MC2R: variants seen among roughly 807,000 people sequenced by gnomAD.
The protein encoded by MC2R is adrenocorticotropic hormone receptor.
In MC2R, 9 loss-of-function variants were observed where a neutral mutation model predicts 9.8. The ratio of observed to expected loss-of-function variants is 0.92; its 90% CI spans 0.55 to 1.60. MC2R has a LOEUF of 1.60. Among genes scored for constraint, MC2R ranks in the 40% most tolerant of loss-of-function variants. The pLI, the probability that MC2R is intolerant of heterozygous loss-of-function variation, is 0.00. For missense variants in MC2R, 370 were observed against 389.0 expected (o/e 0.95, Z 0.41); for synonymous variants, 185 against 154.7 (o/e 1.20, Z -1.45).
intron 1 of MC2R, among the ~76,000 whole-genome samples, chr18:13,905,201 AC>A: frequency 6.6e-6 from 1 of 152,300 alleles, no homozygotes; most frequent in Middle Eastern, 3.4e-3. Context: ...GAAAAAAACA[AC>A]CCCACCAAAA....
At chr18:13,892,872 G>C (rs1555620095) in intron 1 of MC2R, among the ~76,000 whole-genome samples, 2 of 151,014 alleles carry the variant, frequency 1.3e-5, no homozygotes, top group Non-Finnish European at 2.9e-5. Flanking sequence ...TGTTGCCCAG[G>C]CTGGAATACA....
In MC2R at chr18:13,882,518, G is replaced by C. The variant is rs1405020891; in HGVS notation, c.*2107C>G. 1 of 152,216 alleles carries C rather than the reference G, an allele frequency of 6.6e-6. No homozygotes were observed. Among genetic ancestry groups the C allele is most frequent in the Non-Finnish European group, 1.5e-5 (1 of 68,050 alleles). The allele number at this position is 152,216 out of a possible 1,614,324, so 9.4% of individuals were successfully genotyped here. On this transcript the variant is annotated 3_prime_UTR_variant, in exon 2 of 2. Coordinates refer to ENST00000327606, the MANE Select transcript of MC2R (RefSeq NM_000529.2). ...CAAATCAAAGGCAGTGAGAGGTGAAGTTTCTTGGTGATTTTCCTTCTGACA... is the reference window on the plus strand; with the variant it reads ...CAAATCAAAGGCAGTGAGAGGTGAACTTTCTTGGTGATTTTCCTTCTGACA...
intron 1 of MC2R, among the ~76,000 whole-genome samples, chr18:13,911,156 A>G (rs1187209101): frequency 1.3e-5 from 2 of 152,188 alleles, no homozygotes; most frequent in East Asian, 1.9e-4. Context: ...TAACAGTAGC[A>G]GGGACTAGGG....
chr18:13,892,898 C>A (rs1445517835), intron 1 of MC2R, among the ~76,000 whole-genome samples: 1 of 152,150 alleles, frequency 6.6e-6, no homozygotes, highest in Non-Finnish European at 1.5e-5. Flanking sequence ...GTGGTCATGG[C>A]TCACTGCAGC....
At chr18:13,906,755 AGAAAT>A (rs2045416899) in intron 1 of MC2R, among the ~76,000 whole-genome samples, 1 of 152,232 alleles carries the variant, frequency 6.6e-6, no homozygotes, top group Admixed American at 6.5e-5. Flanking sequence ...AATCTAAAAA[AGAAAT>A]GAAAAAGTAA....
chr18:13,913,043 A>G (rs1431346782), intron 1 of MC2R, among the ~76,000 whole-genome samples: 1 of 152,182 alleles, frequency 6.6e-6, no homozygotes. Context: ...TGCTTACAGT[A>G]TAATTTCTTT....
At chr18:13,913,183 T>TGGAA (rs2045455857) in intron 1 of MC2R, among the ~76,000 whole-genome samples, 1 of 36,898 alleles carries the variant, frequency 2.7e-5, no homozygotes, top group African/African-American at 2.7e-4. Context: ...AAGCCCAGGC[T>TGGAA]GGAGTGTTCT....
intron 1 of MC2R, among the ~76,000 whole-genome samples, chr18:13,891,479 G>A (rs2045315151): frequency 6.6e-6 from 1 of 152,194 alleles, no homozygotes; most frequent in African/African-American, 2.4e-5. Context: ...ATGCATGGGT[G>A]GTTGTGATAG....
intron 1 of MC2R, among the ~76,000 whole-genome samples, chr18:13,913,249 CT>C (rs1177739526): frequency 1.3e-5 from 2 of 152,146 alleles, no homozygotes; most frequent in Non-Finnish European, 2.9e-5. Flanking sequence ...GGACCACCAC[CT>C]TCCACCCGCT....
At chr18:13,911,999 T>C (rs1188299950) in intron 1 of MC2R, among the ~76,000 whole-genome samples, 1 of 152,070 alleles carries the variant, frequency 6.6e-6, no homozygotes, top group East Asian at 1.9e-4. Flanking sequence ...CTCCATGGTG[T>C]GGATGGCATG....
At chr18:13,901,205 A>G (rs2045377986) in intron 1 of MC2R, among the ~76,000 whole-genome samples, 1 of 152,064 alleles carries the variant, frequency 6.6e-6, no homozygotes, top group Non-Finnish European at 1.5e-5. Context: ...TGATAATGCA[A>G]ATACAACATA....
In MC2R at chr18:13,884,938, A is replaced by C; in HGVS notation, c.581T>G (p.Val194Gly). The C allele has an allele frequency of 6.2e-7, 1 of 1,614,120 alleles. No individual in the cohort carries two copies. Among genetic ancestry groups the C allele is most frequent in the Non-Finnish European group, 8.5e-7 (1 of 1,180,026 alleles). Residue 194 changes from valine to glycine, a missense_variant, in exon 2 of 2, where the codon GTG (valine) becomes GGG (glycine). Physicochemically the swap from Val to Gly is moderately radical, Grantham distance 109. Transcript: ENST00000327606. ...LMLVFILCLY[V>G]HMFLLARSHT... ...GGATCGAGCCAGCAGGAACATGTGC[A>C]CATAGAGGCACAGGATGAAGACCAG...
At chr18:13,891,142 G>A (rs1175416527) in intron 1 of MC2R, among the ~76,000 whole-genome samples, 3 of 152,136 alleles carry the variant, frequency 2.0e-5, no homozygotes, top group Non-Finnish European at 2.9e-5. Context: ...TCACGTCCAC[G>A]GCCAGCATGC....
intron 1 of MC2R, among the ~76,000 whole-genome samples, chr18:13,891,055 C>T (rs2045312914): frequency 6.6e-6 from 1 of 152,170 alleles, no homozygotes; most frequent in South Asian, 2.1e-4. Flanking sequence ...GCCAAAGCTG[C>T]CCATGAATAT....
intron 1 of MC2R, among the ~76,000 whole-genome samples, chr18:13,907,341 C>G (rs1316912785): frequency 6.6e-6 from 1 of 152,162 alleles, no homozygotes; most frequent in Admixed American, 6.5e-5. Context: ...GAAACTAGGC[C>G]TCTATCTCTC....
chr18:13,889,043 T>C (rs11875803), intron 1 of MC2R, among the ~76,000 whole-genome samples: 2,471 of 152,292 alleles, frequency 0.016, 62 homozygotes, highest in African/African-American at 0.055. Context: ...GGGCAATAAA[T>C]GTCCACCCTT....
At chr18:13,900,903 T>A (rs940533912) in intron 1 of MC2R, among the ~76,000 whole-genome samples, 1 of 152,106 alleles carries the variant, frequency 6.6e-6, no homozygotes, top group Non-Finnish European at 1.5e-5. Context: ...ATGAACCTAA[T>A]AGATATTTAC....
At position 13,885,245 on chromosome 18, in the gene MC2R, G is replaced by T. The variant is rs1328692278; in HGVS notation, c.274C>A (p.Leu92Ile). 6.2e-7 allele frequency: 1 copy of T among 1,614,156 alleles called. No homozygotes were observed. The highest frequency in any genetic ancestry group is 8.5e-7 in the Non-Finnish European group (1 of 1,180,030). ...ILIILRNMGY[L>I]KPRGSFETTA... ...GTTTCAAAACTGCCACGTGGCTTGA[G>T]ATAGCCCATGTTTCTCAATATGATC... The change falls in exon 2 of 2, where the codon CTC becomes ATC. Residue 92 changes from leucine to isoleucine, a missense_variant. By Grantham distance (5) the Leu-to-Ile change is conservative. Transcript: ENST00000327606.
chr18:13,887,727 C>T (rs1011181981), intron 1 of MC2R, among the ~76,000 whole-genome samples: 11 of 152,186 alleles, frequency 7.2e-5, no homozygotes, highest in Admixed American at 7.2e-4. Flanking sequence ...GCCTGACTGC[C>T]TGATGGAGAC....
Sources: allele counts gnomAD v4.1 joint callset (sites outside exome capture counted in the v4.1 genomes callset), GRCh38; gene constraint gnomAD v4.1.1; transcripts MANE v1.5; gene names NCBI Gene and HGNC (gene_info 2026-07-23, HGNC 2026-07-21).